The following N4BP2 variants were observed in gnomAD, a reference collection of about 807,000 sequenced individuals.
N4BP2 encodes the protein NEDD4-binding protein 2.
Under a neutral mutation model 152.8 loss-of-function variants are expected in N4BP2, and 91 were observed. The ratio of observed to expected loss-of-function variants is 0.60; its 90% CI spans 0.50 to 0.71. The LOEUF is 0.71. Ranked by LOEUF, N4BP2 falls within the 30% of genes least tolerant of loss-of-function variation. The probability of loss-of-function intolerance (pLI) is 0.00; values close to 1 mark genes in which losing one functional copy is unlikely to be tolerated. For missense variants in N4BP2, 1,923 were observed against 2,059.1 expected (o/e 0.93, Z 1.28); for synonymous variants, 646 against 705.3 (o/e 0.92, Z 1.33).
intron 2 of N4BP2, among the ~76,000 whole-genome samples, chr4:40,075,152 A>G (rs1009803926): frequency 5.9e-5 from 9 of 152,182 alleles, no homozygotes; most frequent in South Asian, 2.1e-4. Context: ...ATCATGATCC[A>G]TGTTCTCAAG....
chr4:40,174,681 C>G, the N4BP2 span, among the ~76,000 whole-genome samples: 1 of 151,738 alleles, frequency 6.6e-6, no homozygotes, highest in Non-Finnish European at 1.5e-5. Context: ...GCGCACCTGT[C>G]ATCCCAGTTA....
rs142968103 is a variant in N4BP2, at chr4:40,120,015, A to T, written c.1904A>T (p.Glu635Val). The change falls in exon 9 of 18, where the codon GAG becomes GTG. Residue 635 changes from glutamate (E) to valine (V), a missense_variant. By Grantham distance (121) the Glu-to-Val change is moderately radical. Transcript: ENST00000261435. ...LSLKHLEFTE[E>V]KNLDVTKETM... ...TTGAAGCATCTAGAGTTCACTGAAG[A>T]GAAGAATCTTGATGTAACCAAAGAA... is the stretch of plus-strand genomic sequence containing the variant. 1.9e-3 allele frequency: 3,097 copies of T among 1,589,854 alleles called. 90 individuals are homozygous for T. The Admixed American group carries it at 0.048, about 25-fold the overall frequency.
chr4:40,067,166 C>T (rs1711603953), intron 1 of N4BP2, among the ~76,000 whole-genome samples: 2 of 150,512 alleles, frequency 1.3e-5, no homozygotes, highest in African/African-American at 4.9e-5. Context: ...TCAAGCCATC[C>T]TCCCACCTCA....
At chr4:40,178,332 A>T in the N4BP2 span, among the ~76,000 whole-genome samples, 1 of 152,212 alleles carries the variant, frequency 6.6e-6, no homozygotes, top group Admixed American at 6.5e-5. Context: ...ATAAAGCAAG[A>T]GTTAGCAAGT....
At position 40,139,682 on chromosome 4, in the gene N4BP2, G is replaced by A. The variant is rs150539605; in HGVS notation, c.4785+2600G>A. Among the ~76,000 whole-genome samples, 705 of 151,790 alleles carry A rather than the reference G, an allele frequency of 4.6e-3. 11 individuals carry two copies. The highest frequency in any genetic ancestry group is 0.016 in the African/African-American group (681 of 41,420). On this transcript the variant is annotated intron_variant, in intron 14 of 17. Transcript: ENST00000261435. ...AATTTTTTGTATTTTTAGTAGAGAC[G>A]GGGTTTCACTGTCTTGGCCAAGCTG...
At chr4:40,140,581 C>CTT (rs112650568) in intron 14 of N4BP2, among the ~76,000 whole-genome samples, 2 of 151,564 alleles carry the variant, frequency 1.3e-5, no homozygotes, top group East Asian at 2.0e-4. Context: ...CACTTATTCT[C>CTT]TTTTTTTTTA....
chr4:40,121,258 T>C lies in N4BP2; in HGVS notation c.3147T>C (p.Phe1049=). 1 of 1,613,432 alleles carries C rather than the reference T, an allele frequency of 6.2e-7. No individual in the cohort carries two copies. The highest frequency in any genetic ancestry group is 8.5e-7 in the Non-Finnish European group (1 of 1,179,832). The change falls in exon 9 of 18, where the codon TTT becomes TTC. Residue 1049 remains phenylalanine (F), a synonymous_variant. Transcript: ENST00000261435. The part of the protein sequence containing the change: ...IKVLTGRLDG[F]KPKVFNINTK... ...TATTAACAGGAAGATTAGATGGATT[T>C]AAGCCGAAAGTTTTCAATATTAACA...
intron 16 of N4BP2, among the ~76,000 whole-genome samples, chr4:40,149,901 A>AG (rs1284392487): frequency 1.4e-5 from 2 of 143,206 alleles, no homozygotes; most frequent in Non-Finnish European, 3.1e-5. Flanking sequence ...CATCTCAAAA[A>AG]GAAAAAAAAA....
At chr4:40,159,228 A>G (rs1721791083), downstream of N4BP2, among the ~76,000 whole-genome samples, 1 of 152,368 alleles carries the variant, frequency 6.6e-6, no homozygotes, top group African/African-American at 2.4e-5. Flanking sequence ...ATAATAGTCT[A>G]CTGTTCTCTC....
At chr4:40,105,346 C>CA (rs1716159512) in intron 4 of N4BP2, among the ~76,000 whole-genome samples, 2 of 140,100 alleles carry the variant, frequency 1.4e-5, no homozygotes, top group South Asian at 4.5e-4. Flanking sequence ...TTTTTTTTGA[C>CA]AGAGTCTGAC....
chr4:40,170,328 A>G, the N4BP2 span, among the ~76,000 whole-genome samples: 5 of 152,190 alleles, frequency 3.3e-5, no homozygotes, highest in Non-Finnish European at 5.9e-5. Flanking sequence ...ATAAGAGCAC[A>G]TGCAGGATGG....
chr4:40,150,923 C>T (rs1560649510), intron 16 of N4BP2, among the ~76,000 whole-genome samples: 1 of 151,958 alleles, frequency 6.6e-6, no homozygotes, highest in African/African-American at 2.4e-5. Context: ...ATGATGGTGC[C>T]ATTGTAGTTA....
At chr4:40,072,095 G>C (rs1712246547) in intron 1 of N4BP2, among the ~76,000 whole-genome samples, 1 of 146,324 alleles carries the variant, frequency 6.8e-6, no homozygotes, top group Non-Finnish European at 1.5e-5. Context: ...TCTTTTTTGA[G>C]ATGGAGTCTC....
At chr4:40,164,538 C>T in the N4BP2 span, among the ~76,000 whole-genome samples, 1 of 152,108 alleles carries the variant, frequency 6.6e-6, no homozygotes, top group Non-Finnish European at 1.5e-5. Flanking sequence ...TCTTTATTTG[C>T]GTGGTCTCCA....
At chr4:40,129,150 G>T (rs1579096964) in intron 12 of N4BP2, among the ~76,000 whole-genome samples, 1 of 152,050 alleles carries the variant, frequency 6.6e-6, no homozygotes, top group South Asian at 2.1e-4. Flanking sequence ...TTGGGCTCAA[G>T]CCATCCTCCC....
At chr4:40,165,027 A>AT in the N4BP2 span, among the ~76,000 whole-genome samples, 7 of 151,720 alleles carry the variant, frequency 4.6e-5, no homozygotes, top group South Asian at 2.1e-4. Flanking sequence ...ATAAAATTAT[A>AT]TTTTTTTTCA....
At chr4:40,076,561 T>C (rs1397463703) in intron 2 of N4BP2, among the ~76,000 whole-genome samples, 1 of 152,064 alleles carries the variant, frequency 6.6e-6, no homozygotes, top group Non-Finnish European at 1.5e-5. Context: ...CCATCTCGGC[T>C]CACTGCAAGC....
chr4:40,160,444 C>T (rs1182296984), downstream of N4BP2, among the ~76,000 whole-genome samples: 2 of 152,140 alleles, frequency 1.3e-5, no homozygotes, highest in Non-Finnish European at 2.9e-5. Context: ...GTGCAATACT[C>T]GCCTGTGATG....
At position 40,121,928 on chromosome 4, in the gene N4BP2, G is replaced by A; in HGVS notation, c.3817G>A (p.Glu1273Lys). The change falls in exon 9 of 18, where the codon GAG (glutamate) becomes AAG (lysine). Residue 1273 changes from glutamate (E) to lysine (K), a missense_variant. By Grantham distance (56) the Glu-to-Lys change is moderately conservative. Transcript: ENST00000261435. Reference protein sequence around the residue: ...SETEKNLVVTETGDNIHSPSH... With the variant: ...SETEKNLVVTKTGDNIHSPSH... The stretch of plus-strand genomic sequence containing the variant: ...AACAGAAAAAAACCTAGTAGTCACA[G>A]AGACTGGAGACAACATACATTCTCC... 1 of 1,586,516 alleles carries A rather than the reference G, an allele frequency of 6.3e-7. No homozygotes were observed.
Sources: allele counts gnomAD v4.1 joint callset (sites outside exome capture counted in the v4.1 genomes callset), GRCh38; gene constraint gnomAD v4.1.1; transcripts MANE v1.5; gene names NCBI Gene and HGNC (gene_info 2026-07-23, HGNC 2026-07-21).